Variants in ADAM32 observed in about 807,000 individuals in gnomAD.
ADAM32 encodes ADAM metallopeptidase domain 32.
ADAM32 carries 89 observed loss-of-function variants against 114.9 expected under a neutral mutation model. The ratio of observed to expected loss-of-function variants is 0.77; its 90% CI spans 0.65 to 0.92. The LOEUF (loss-of-function observed/expected upper bound fraction) is 0.92. Among genes scored for constraint, ADAM32 ranks in the 40% least tolerant of loss-of-function variants. ADAM32 has a pLI of 0.00. For missense variants in ADAM32, 870 were observed against 932.8 expected (o/e 0.93, Z 0.88); for synonymous variants, 285 against 307.5 (o/e 0.93, Z 0.77).
At chr8:39,264,963 T>C (rs531557140) in intron 19 of ADAM32, among the ~76,000 whole-genome samples, 2 of 152,206 alleles carry the variant, frequency 1.3e-5, no homozygotes, top group South Asian at 2.1e-4. Flanking sequence ...TGTGGTGTTG[T>C]TGGGTGGAGT....
chr8:39,211,049 C>T (rs1808171997), intron 11 of ADAM32, 95 bp from the exon 12 acceptor site: 1 of 1,082,654 alleles, frequency 9.2e-7, no homozygotes, highest in Admixed American at 3.8e-5. Context: ...TTTGTAACAG[C>T]CAATTGAATT....
chr8:39,281,256 C>T (rs116855278), intron 23 of ADAM32, 82 bp downstream of exon 23: 10,593 of 836,046 alleles, frequency 0.013, 98 homozygotes, highest in South Asian at 0.016. Context: ...CAAATAATTG[C>T]TCAACATTTT....
rs758332508 is a variant in ADAM32 at position 39,221,685 on chromosome 8, T to C, written c.1309T>C (p.Cys437Arg). 6.2e-7 allele frequency: 1 copy of C among 1,611,120 alleles called. No homozygotes were observed. The highest frequency in any genetic ancestry group is 2.2e-5 in the East Asian group (1 of 44,736). The change falls in exon 13 of 25, where the codon TGC becomes CGC. Residue 437 changes from cysteine (C) to arginine (R), a missense_variant. Transcript: ENST00000379907. ...CGGAGCAAAATGTTATAAAGGACTG[T>C]GCTGCAAAGACTGTCAAGTAAGATT... ...KDGAKCYKGL[C>R]CKDCQILQSG...
intron 1 of ADAM32, among the ~76,000 whole-genome samples, chr8:39,116,014 T>G (rs1418395812): frequency 6.6e-6 from 1 of 152,240 alleles, no homozygotes; most frequent in African/African-American, 2.4e-5. Flanking sequence ...CATTGCTTGT[T>G]ATTGTTAACT....
intron 6 of ADAM32, among the ~76,000 whole-genome samples, chr8:39,153,639 A>G (rs890106656): frequency 6.6e-6 from 1 of 152,172 alleles, no homozygotes; most frequent in African/African-American, 2.4e-5. Flanking sequence ...CACAACTTAC[A>G]CACCAGATTT....
chr8:39,191,481 A>T (rs1183259511), intron 11 of ADAM32, among the ~76,000 whole-genome samples: 1 of 152,122 alleles, frequency 6.6e-6, no homozygotes, highest in African/African-American at 2.4e-5. Context: ...TGTAGTTTTG[A>T]TGTGCATTTC....
At chr8:39,187,439 T>G (rs1427467271) in intron 11 of ADAM32, among the ~76,000 whole-genome samples, 1 of 152,086 alleles carries the variant, frequency 6.6e-6, no homozygotes, top group Non-Finnish European at 1.5e-5. Flanking sequence ...GCCCAGCTTA[T>G]TTTTTGTATT....
rs1805743630 is a variant in ADAM32, at chr8:39,179,873, C to CCT, written c.916-7033_916-7032dup. ...CCATGAGAGCTGGGGACTGTAGCTG[C>CCT]CTCTAATCAGCCATCTTGGTCCTAC... is the stretch of plus-strand genomic sequence containing the variant. On this transcript the variant is annotated intron_variant, in intron 10 of 24. Transcript: ENST00000379907. Among the ~76,000 whole-genome samples, 8 of 152,328 alleles carry CCT rather than the reference C, an allele frequency of 5.3e-5. No homozygotes were observed. The South Asian group carries it at 1.7e-3, about 32-fold the overall frequency.
chr8:39,223,379 T>A, intron 14 of ADAM32, 141 bp downstream of exon 14: 1 of 399,966 alleles, frequency 2.5e-6, no homozygotes, highest in Non-Finnish European at 4.1e-6. Flanking sequence ...ATATATTTTA[T>A]TATATATATA....
intron 14 of ADAM32, among the ~76,000 whole-genome samples, chr8:39,230,262 G>T (rs1193854749): frequency 6.6e-6 from 1 of 152,164 alleles, no homozygotes; most frequent in Non-Finnish European, 1.5e-5. Flanking sequence ...TTTGCAAAGT[G>T]CTGCCCTTTT....
chr8:39,252,678 G>T (rs921608501), intron 17 of ADAM32, among the ~76,000 whole-genome samples: 3 of 151,170 alleles, frequency 2.0e-5, no homozygotes, highest in Non-Finnish European at 4.4e-5. Context: ...CAAACTCTTA[G>T]GTAAAATAGC....
intron 3 of ADAM32, among the ~76,000 whole-genome samples, chr8:39,137,648 G>T (rs1221072768): frequency 4.6e-5 from 7 of 151,892 alleles, no homozygotes; most frequent in African/African-American, 1.7e-4. Flanking sequence ...GCGTGCGCCT[G>T]TAATCCCAGC....
At chr8:39,133,555 G>A (rs1292677076) in intron 2 of ADAM32, among the ~76,000 whole-genome samples, 1 of 152,198 alleles carries the variant, frequency 6.6e-6, no homozygotes, top group Non-Finnish European at 1.5e-5. Context: ...CACCAGCAGT[G>A]GCAGTAGCAG....
chr8:39,281,849 T>C (rs1244890009), intron 23 of ADAM32, among the ~76,000 whole-genome samples: 1 of 152,228 alleles, frequency 6.6e-6, no homozygotes, highest in Admixed American at 6.5e-5. Flanking sequence ...GTGACCTCTT[T>C]GAGTTACATT....
At chr8:39,167,538 T>C (rs1410791307) in intron 9 of ADAM32, 2 of 152,220 alleles carry the variant, frequency 1.3e-5, no homozygotes, top group Non-Finnish European at 2.9e-5. Context: ...TGTTTTTAGG[T>C]TCCATATGAA....
intron 11 of ADAM32, among the ~76,000 whole-genome samples, chr8:39,187,704 G>C (rs972932045): frequency 3.9e-5 from 6 of 152,084 alleles, no homozygotes; most frequent in African/African-American, 1.4e-4. Context: ...AGAAGTCCTA[G>C]TTGGAGACCA....
At chr8:39,206,875 T>C (rs188873269) in intron 11 of ADAM32, among the ~76,000 whole-genome samples, 1 of 151,972 alleles carries the variant, frequency 6.6e-6, no homozygotes, top group East Asian at 1.9e-4. Flanking sequence ...GGGGCTGGGC[T>C]CTCAAAATAG....
At chr8:39,175,950 G>A (rs1192163109) in intron 10 of ADAM32, among the ~76,000 whole-genome samples, 1 of 152,128 alleles carries the variant, frequency 6.6e-6, no homozygotes, top group African/African-American at 2.4e-5. Context: ...ATTTCTTCTA[G>A]ATTTTCTAGT....
chr8:39,127,427 G>GT (rs1228847858), intron 2 of ADAM32, among the ~76,000 whole-genome samples: 2 of 151,910 alleles, frequency 1.3e-5, no homozygotes, highest in African/African-American at 4.8e-5. Context: ...GTGGCCAGGA[G>GT]TTTTTCCATT....
Sources: allele counts gnomAD v4.1 joint callset (sites outside exome capture counted in the v4.1 genomes callset), GRCh38; gene constraint gnomAD v4.1.1; transcripts MANE v1.5; gene names NCBI Gene and HGNC (gene_info 2026-07-23, HGNC 2026-07-21).